Variants in GRM8 observed in about 807,000 individuals in gnomAD.
GRM8 encodes metabotropic glutamate receptor 8.
In GRM8, 47 loss-of-function variants were observed where a neutral mutation model predicts 87.2. That is an observed-to-expected ratio of 0.54 (90% CI 0.43 to 0.69). The LOEUF is 0.69. Ranked by LOEUF, GRM8 falls within the 30% of genes least tolerant of loss-of-function variation. The pLI, the probability that GRM8 is intolerant of heterozygous loss-of-function variation, is 0.00. For missense variants in GRM8, 1,019 were observed against 1,139.2 expected, an observed-to-expected ratio of 0.89 and a Z score of 1.52; for synonymous variants, 396 against 404.5, an observed-to-expected ratio of 0.98 and a Z score of 0.25.
chr7:127,215,895 T>G (rs1163002694), intron 2 of GRM8, among the ~76,000 whole-genome samples: 1 of 152,140 alleles, frequency 6.6e-6, no homozygotes, highest in Non-Finnish European at 1.5e-5. Flanking sequence ...CTAAAAAAAA[T>G]GTTTAACATG....
rs1004275416 is a variant in GRM8 at position 126,853,492 on chromosome 7, G to C, written c.1156+49050C>G. Among the ~76,000 whole-genome samples the C allele has an allele frequency of 2.6e-4, 39 of 152,084 alleles. 1 individual carries two copies. The highest frequency in any genetic ancestry group is 1.5e-5 in the Non-Finnish European group (1 of 68,012). The stretch of plus-strand genomic sequence containing the variant: ...CCTGGTTTCTGACTTAACCTATGAA[G>C]CAGTTAGGACTCTTCCTGGACCCAG... On this transcript the variant is annotated intron_variant, in intron 6 of 10. Coordinates refer to ENST00000339582, the MANE Select transcript of GRM8 (RefSeq NM_000845.3).
chr7:127,216,747 C>G (rs888583946), intron 2 of GRM8, among the ~76,000 whole-genome samples: 1 of 152,148 alleles, frequency 6.6e-6, no homozygotes, highest in South Asian at 2.1e-4. Flanking sequence ...TCCATTCTAT[C>G]CATACTAGCT....
chr7:127,004,503 A>C (rs2132056466), intron 3 of GRM8, among the ~76,000 whole-genome samples: 1 of 151,800 alleles, frequency 6.6e-6, no homozygotes, highest in East Asian at 1.9e-4. Context: ...AAAATGTATT[A>C]AAAGATATGG....
intron 3 of GRM8, among the ~76,000 whole-genome samples, chr7:127,069,114 T>G (rs1180567823): frequency 6.6e-6 from 1 of 152,180 alleles, no homozygotes; most frequent in Non-Finnish European, 1.5e-5. Context: ...CTCCCCTCTT[T>G]CCACAGGCAG....
At chr7:127,153,711 T>C (rs2084850150) in intron 2 of GRM8, among the ~76,000 whole-genome samples, 3 of 152,162 alleles carry the variant, frequency 2.0e-5, no homozygotes, top group Non-Finnish European at 4.4e-5. Context: ...TTAATTCATT[T>C]TGTGTCACCA....
intron 3 of GRM8, among the ~76,000 whole-genome samples, chr7:127,105,895 C>T (rs1218929079): frequency 6.6e-6 from 1 of 152,110 alleles, no homozygotes; most frequent in Non-Finnish European, 1.5e-5. Flanking sequence ...CTTGGATAAG[C>T]ACCTTGAAAA....
intron 3 of GRM8, among the ~76,000 whole-genome samples, chr7:127,086,070 G>A (rs1292525131): frequency 1.3e-5 from 2 of 152,172 alleles, no homozygotes; most frequent in Non-Finnish European, 2.9e-5. Flanking sequence ...ATTCATGCCA[G>A]AGGAAGCAAA....
intron 9 of GRM8, among the ~76,000 whole-genome samples, chr7:126,463,226 T>C (rs1369584355): frequency 1.3e-5 from 2 of 151,568 alleles, no homozygotes; most frequent in Non-Finnish European, 1.5e-5. Context: ...AATCACTCCA[T>C]GGAAGAAAAT....
chr7:126,625,657 T>C (rs17684282), intron 7 of GRM8, among the ~76,000 whole-genome samples: 19,705 of 152,140 alleles, frequency 0.13, 1,677 homozygotes, highest in Non-Finnish European at 0.17. Flanking sequence ...GCATTTATAG[T>C]ACTCAAATAA....
At chr7:127,245,270 C>T (rs1485772223) in intron 1 of GRM8, among the ~76,000 whole-genome samples, 2 of 152,210 alleles carry the variant, frequency 1.3e-5, no homozygotes, top group African/African-American at 4.8e-5. Context: ...TAACTCTGAT[C>T]ACTAGTTGAG....
chr7:126,561,330 G>A (rs2150959198), intron 8 of GRM8, among the ~76,000 whole-genome samples: 1 of 152,148 alleles, frequency 6.6e-6, no homozygotes, highest in South Asian at 2.1e-4. Context: ...AATTAGCCGG[G>A]CGTGGTGGCT....
At chr7:126,456,662 G>A (rs1228202262) in intron 9 of GRM8, among the ~76,000 whole-genome samples, 1 of 151,068 alleles carries the variant, frequency 6.6e-6, no homozygotes, top group Non-Finnish European at 1.5e-5. Context: ...TATTGCTGAG[G>A]AGGAAAGGTA....
chr7:127,211,086 T>C (rs1049624043), intron 2 of GRM8, among the ~76,000 whole-genome samples: 2 of 152,056 alleles, frequency 1.3e-5, no homozygotes, highest in African/African-American at 4.8e-5. Flanking sequence ...ACTAATAGGA[T>C]AGATGTATAT....
Position 126,498,829 on chromosome 7 carries a change from T to A in GRM8, c.2430+34123A>T, listed in dbSNP as rs1045489420. 3.3e-5 allele frequency among the ~76,000 whole-genome samples: 5 copies of A among 152,018 alleles called. No homozygotes were observed. The East Asian group carries it at 5.8e-4, about 18-fold the overall frequency. ...ACTTTCATTATGTGAAATTTGATTATGGGTCATAAATTACGTATTTATCTT... is the reference window on the plus strand; with the variant it reads ...ACTTTCATTATGTGAAATTTGATTAAGGGTCATAAATTACGTATTTATCTT... On this transcript the variant is annotated intron_variant, in intron 9 of 10. Transcript: ENST00000339582.
intron 6 of GRM8, among the ~76,000 whole-genome samples, chr7:126,819,267 G>GACACACACACACACACAC (rs1326195595): frequency 1.6e-4 from 9 of 54,900 alleles, no homozygotes; most frequent in South Asian, 5.3e-4. Context: ...TATTCAGACA[G>GACACACACACACACACAC]ACACACATAC....
chr7:127,201,649 G>C (rs1295535780), intron 2 of GRM8, among the ~76,000 whole-genome samples: 1 of 152,088 alleles, frequency 6.6e-6, no homozygotes, highest in Non-Finnish European at 1.5e-5. Flanking sequence ...TCCTAACTTT[G>C]AAAATAGAGG....
At chr7:127,054,969 T>C (rs945343513) in intron 3 of GRM8, among the ~76,000 whole-genome samples, 5 of 151,914 alleles carry the variant, frequency 3.3e-5, no homozygotes, top group Non-Finnish European at 7.4e-5. Context: ...AAATTCAATA[T>C]GAACCAACCA....
intron 2 of GRM8, among the ~76,000 whole-genome samples, chr7:127,149,542 C>CTCTTCTGGGCATA (rs1828733481): frequency 6.6e-6 from 1 of 152,038 alleles, no homozygotes; most frequent in Non-Finnish European, 1.5e-5. Context: ...ACCATATGAC[C>CTCTTCTGGGCATA]TAACAATCCC....
At chr7:126,953,703 G>C (rs1436817296) in intron 3 of GRM8, among the ~76,000 whole-genome samples, 1 of 152,120 alleles carries the variant, frequency 6.6e-6, no homozygotes, top group African/African-American at 2.4e-5. Flanking sequence ...GTCAGGGCCT[G>C]AGAGTGCCCA....
Sources: allele counts gnomAD v4.1 joint callset (sites outside exome capture counted in the v4.1 genomes callset), GRCh38; gene constraint gnomAD v4.1.1; transcripts MANE v1.5; gene names NCBI Gene and HGNC (gene_info 2026-07-23, HGNC 2026-07-21).